Variants in GPRIN3 observed in about 807,000 individuals in gnomAD.
GPRIN3 encodes the protein G protein-regulated inducer of neurite outgrowth 3.
In GPRIN3, 12 loss-of-function variants were observed where a neutral mutation model predicts 13.7. The observed-to-expected ratio is 0.87, with a 90% CI of 0.56 to 1.42. GPRIN3 has a LOEUF of 1.42. GPRIN3 is among the 40% of genes most tolerant of loss of function. The pLI is 0.00. For synonymous variants in GPRIN3, 377 were observed against 372.7 expected, an observed-to-expected ratio of 1.01 and a Z score of -0.13; for missense variants, 1,009 against 958.7, an observed-to-expected ratio of 1.05 and a Z score of -0.69.
At chr4:89,253,663 T>C (rs4582120) in intron 1 of GPRIN3, among the ~76,000 whole-genome samples, 3,294 of 152,346 alleles carry the variant, frequency 0.022, 101 homozygotes, top group African/African-American at 0.074. Context: ...AGCTAACTTT[T>C]AGTTTAACTT....
intron 1 of GPRIN3, among the ~76,000 whole-genome samples, chr4:89,272,693 C>T (rs995172162): frequency 7.9e-5 from 12 of 152,082 alleles, no homozygotes; most frequent in African/African-American, 2.9e-4. Context: ...GCTTTTTTGA[C>T]ACCATCCAGT....
At chr4:89,262,200 CA>C (rs1723650836) in intron 1 of GPRIN3, among the ~76,000 whole-genome samples, 1 of 143,520 alleles carries the variant, frequency 7.0e-6, no homozygotes, top group African/African-American at 2.6e-5. Context: ...GCAACTAAAA[CA>C]AAACAAAAAT....
Position 89,249,364 on chromosome 4 carries a change from C to A in GPRIN3, c.747G>T (p.Gln249His), listed in dbSNP as rs774553483. 2.2e-5 allele frequency: 36 copies of A among 1,614,014 alleles called. No individual in the cohort carries two copies. Among genetic ancestry groups the A allele is most frequent in the Non-Finnish European group, 3.1e-5 (36 of 1,180,010 alleles). ...GGGGGCCCGAGGCAGTGACAGAGGG[C>A]TGCTTGTTCTCTGAACATCCAGATT... The part of the protein sequence containing the change: ...TRESGCSENK[Q>H]PSVTASGPQG... The change falls in exon 2 of 2, where the codon CAG (glutamine) becomes CAT (histidine). Residue 249 changes from glutamine (Q) to histidine (H), a missense_variant. Coordinates refer to ENST00000609438, the MANE Select transcript of GPRIN3 (RefSeq NM_198281.3).
intron 1 of GPRIN3, among the ~76,000 whole-genome samples, chr4:89,259,698 C>G (rs1578082515): frequency 6.6e-6 from 1 of 152,114 alleles, no homozygotes; most frequent in Admixed American, 6.5e-5. Context: ...CACACTGCCC[C>G]CCTCTACCAC....
In GPRIN3 at chr4:89,307,786, C is replaced by T. The variant is rs1330778597; in HGVS notation, c.-295G>A. The T allele has an allele frequency of 6.6e-6, 1 of 152,316 alleles. No homozygotes were observed. The highest frequency in any genetic ancestry group is 1.9e-4 in the East Asian group (1 of 5,188). The allele number at this position is 152,316 out of a possible 1,614,324, so 9.4% of individuals were successfully genotyped here. A position where few individuals can be genotyped will look rare whatever the true frequency, so the allele number is the denominator to read the frequency against. On this transcript the variant is annotated 5_prime_UTR_variant, in exon 1 of 2. Transcript: ENST00000609438. ...GGAGCGAGCTCCGTGCGTTCAGGAACTGAAATTACTATGCCAAGAGCAGAG... is the reference window on the plus strand; with the variant it reads ...GGAGCGAGCTCCGTGCGTTCAGGAATTGAAATTACTATGCCAAGAGCAGAG...
intron 1 of GPRIN3, among the ~76,000 whole-genome samples, chr4:89,257,288 C>T (rs777590657): frequency 4.6e-5 from 7 of 152,058 alleles, no homozygotes; most frequent in Non-Finnish European, 8.8e-5. Context: ...TCTAGAAAAA[C>T]GAGCGCATGG....
rs921599106 is a variant in GPRIN3 at position 89,241,647 on chromosome 4, A to C, written c.*6133T>G. On this transcript the variant is annotated 3_prime_UTR_variant, in exon 2 of 2. Coordinates refer to ENST00000609438, the MANE Select transcript of GPRIN3 (RefSeq NM_198281.3). ...CCTCTAGGGATTGGGGAGTATGACT[A>C]TAATACTGCAATCTCCTGATATACC... 3 of 152,196 alleles carry C rather than the reference A, an allele frequency of 2.0e-5. No homozygotes were observed. Among genetic ancestry groups the C allele is most frequent in the African/African-American group, 7.2e-5 (3 of 41,444 alleles). The allele number at this position is 152,196 out of a possible 1,614,324, so 9.4% of individuals were successfully genotyped here. A position where few individuals can be genotyped will look rare whatever the true frequency, so the allele number is the denominator to read the frequency against.
intron 1 of GPRIN3, among the ~76,000 whole-genome samples, chr4:89,278,543 C>T (rs534197898): frequency 3.9e-5 from 6 of 152,226 alleles, no homozygotes; most frequent in South Asian, 4.2e-4. Flanking sequence ...ATTCCATTGG[C>T]GGCACACAGA....
intron 1 of GPRIN3, among the ~76,000 whole-genome samples, chr4:89,301,121 T>C (rs559635188): frequency 4.6e-5 from 7 of 152,310 alleles, no homozygotes; most frequent in African/African-American, 1.7e-4. Context: ...CTTGAAACCA[T>C]GCTTTGAGTG....
chr4:89,300,433 G>T (rs912399720), intron 1 of GPRIN3, among the ~76,000 whole-genome samples: 1 of 152,042 alleles, frequency 6.6e-6, no homozygotes. Flanking sequence ...ATGTGGGTGA[G>T]GGCTTCATTT....
intron 1 of GPRIN3, among the ~76,000 whole-genome samples, chr4:89,297,134 C>A (rs914858877): frequency 2.0e-5 from 3 of 152,204 alleles, no homozygotes; most frequent in African/African-American, 4.8e-5. Context: ...ATTTCCTCAT[C>A]TCTAGAATGG....
intron 1 of GPRIN3, among the ~76,000 whole-genome samples, chr4:89,284,469 G>A (rs1025146841): frequency 1.3e-5 from 2 of 152,164 alleles, no homozygotes; most frequent in African/African-American, 4.8e-5. Flanking sequence ...TGTAACACTT[G>A]CCACCCAGGA....
At chr4:89,254,614 A>G (rs1723419360) in intron 1 of GPRIN3, among the ~76,000 whole-genome samples, 1 of 151,952 alleles carries the variant, frequency 6.6e-6, no homozygotes, top group Non-Finnish European at 1.5e-5. Flanking sequence ...CATTTTCTTT[A>G]TCCAGTTTAT....
intron 1 of GPRIN3, among the ~76,000 whole-genome samples, chr4:89,306,858 G>A (rs1416340221): frequency 6.6e-6 from 1 of 152,116 alleles, no homozygotes; most frequent in African/African-American, 2.4e-5. Context: ...GGCATATTAA[G>A]TACCTCTCCT....
In GPRIN3 at chr4:89,269,223, T is replaced by A. The variant is rs57401679; in HGVS notation, c.-123-18990A>T. On this transcript the variant is annotated intron_variant, in intron 1 of 1. Coordinates refer to ENST00000609438, the MANE Select transcript of GPRIN3 (RefSeq NM_198281.3). Reference sequence around the variant, plus strand: ...TGACCATCGTTCCTGCTTCTCATTCTTCCTGTTAGAATGGTCCTGCTGGGT... The same window carrying A: ...TGACCATCGTTCCTGCTTCTCATTCATCCTGTTAGAATGGTCCTGCTGGGT... Among the ~76,000 whole-genome samples the A allele has an allele frequency of 4.5e-3, 688 of 152,332 alleles. 6 individuals are homozygous for A. The highest frequency in any genetic ancestry group is 0.016 in the African/African-American group (659 of 41,586).
At position 89,248,238 on chromosome 4, in the gene GPRIN3, A is replaced by G; in HGVS notation, c.1873T>C (p.Ser625Pro). ...SSPGSGKKTP[S>P]RSVKASPRRP... Reference sequence around the variant, plus strand: ...CGTGGGCTGGCTTTGACGGAGCGAGATGGGGTCTTCTTGCCAGAACCTGGG... The same window carrying G: ...CGTGGGCTGGCTTTGACGGAGCGAGGTGGGGTCTTCTTGCCAGAACCTGGG... The change falls in exon 2 of 2, where the codon TCT becomes CCT. Residue 625 changes from serine to proline, a missense_variant. Physicochemically the swap from Ser to Pro is moderately conservative, Grantham distance 74 (BLOSUM62 -1). Transcript: ENST00000609438. 1 of 1,614,078 alleles carries G rather than the reference A, an allele frequency of 6.2e-7. No homozygotes were observed. Among genetic ancestry groups the G allele is most frequent in the Non-Finnish European group, 8.5e-7 (1 of 1,180,010 alleles).
intron 1 of GPRIN3, among the ~76,000 whole-genome samples, chr4:89,286,202 G>A (rs1213396160): frequency 6.6e-6 from 1 of 151,890 alleles, no homozygotes; most frequent in Non-Finnish European, 1.5e-5. Context: ...TTTTAACAAT[G>A]GTAGTGAAAG....
chr4:89,247,603 C>A lies in GPRIN3; in HGVS notation c.*177G>T. On this transcript the variant is annotated 3_prime_UTR_variant, in exon 2 of 2. Coordinates refer to ENST00000609438, the MANE Select transcript of GPRIN3 (RefSeq NM_198281.3). ...TGTTCCTTCTTTCAAATTGAAATGA[C>A]ATTTTTGTTTATAGAGCTCCAGGTC... 1.9e-6 allele frequency: 1 copy of A among 529,570 alleles called. No individual in the cohort carries two copies. Among genetic ancestry groups the A allele is most frequent in the Non-Finnish European group, 3.3e-6 (1 of 307,414 alleles). The allele number at this position is 529,570 out of a possible 1,614,324, so 32.8% of individuals were successfully genotyped here. A position where few individuals can be genotyped will look rare whatever the true frequency, so the allele number is the denominator to read the frequency against.
At chr4:89,257,447 T>G (rs1723497474) in intron 1 of GPRIN3, among the ~76,000 whole-genome samples, 1 of 152,158 alleles carries the variant, frequency 6.6e-6, no homozygotes, top group Admixed American at 6.5e-5. Flanking sequence ...TCACAACAGA[T>G]TAGAATCATG....
Sources: allele counts gnomAD v4.1 joint callset (sites outside exome capture counted in the v4.1 genomes callset), GRCh38; gene constraint gnomAD v4.1.1; transcripts MANE v1.5; gene names NCBI Gene and HGNC (gene_info 2026-07-23, HGNC 2026-07-21).